Variants in SLC9A9 observed in about 807,000 individuals in gnomAD.
The protein encoded by SLC9A9 is sodium/hydrogen exchanger 9.
Under a neutral mutation model 77.8 loss-of-function variants are expected in SLC9A9, and 62 were observed. The ratio of observed to expected loss-of-function variants is 0.80; its 90% confidence interval spans 0.65 to 0.98. The LOEUF is 0.98. Ranked by LOEUF, SLC9A9 falls within the 50% of genes least tolerant of loss-of-function variation. The pLI is 0.00. For missense variants in SLC9A9, 775 were observed against 774.9 expected (o/e 1.00, Z 0.00); for synonymous variants, 320 against 283.5 (o/e 1.13, Z -1.29).
intron 5 of SLC9A9, among the ~76,000 whole-genome samples, chr3:143,658,638 TA>T (rs148342691): frequency 0.1 from 15,491 of 152,218 alleles, 848 homozygotes; most frequent in African/African-American, 0.16. Context: ...GGGTGCATGA[TA>T]AAAACACTGA....
At chr3:143,270,550 G>A (rs1425177017) in intron 14 of SLC9A9, among the ~76,000 whole-genome samples, 1 of 152,028 alleles carries the variant, frequency 6.6e-6, no homozygotes, top group African/African-American at 2.4e-5. Context: ...ATGTCTTTAT[G>A]GAGGTGAGGT....
chr3:143,342,099 T>C (rs763368331), intron 14 of SLC9A9: 1 of 152,226 alleles, frequency 6.6e-6, no homozygotes, highest in Non-Finnish European at 1.5e-5. Flanking sequence ...GAAACTATGG[T>C]TATAAGGTTC....
At chr3:143,445,016 G>T (rs1419149250) in intron 12 of SLC9A9, among the ~76,000 whole-genome samples, 1 of 152,122 alleles carries the variant, frequency 6.6e-6, no homozygotes, top group African/African-American at 2.4e-5. Flanking sequence ...CATAGCCCCG[G>T]TTTTCCTCTG....
chr3:143,714,887 G>A (rs939238287), intron 4 of SLC9A9, among the ~76,000 whole-genome samples: 7 of 152,198 alleles, frequency 4.6e-5, no homozygotes, highest in South Asian at 2.1e-4. Context: ...CATGTGTTGT[G>A]GGAGGGACCC....
At chr3:143,569,214 G>A (rs1205634462) in intron 8 of SLC9A9, among the ~76,000 whole-genome samples, 5 of 151,660 alleles carry the variant, frequency 3.3e-5, no homozygotes, top group African/African-American at 1.2e-4. Flanking sequence ...CACAGGTATA[G>A]CAAAGGAACT....
At chr3:143,495,670 T>C (rs1359633618) in intron 9 of SLC9A9, among the ~76,000 whole-genome samples, 1 of 152,180 alleles carries the variant, frequency 6.6e-6, no homozygotes, top group African/African-American at 2.4e-5. Flanking sequence ...ACTGTAAGGC[T>C]GCCAGAGACA....
chr3:143,423,329 G>A (rs1346220442), intron 12 of SLC9A9, among the ~76,000 whole-genome samples: 2 of 149,874 alleles, frequency 1.3e-5, no homozygotes, highest in Non-Finnish European at 3.0e-5. Context: ...CATTCATGAA[G>A]CAGCAGTGAG....
chr3:143,467,300 A>G, intron 11 of SLC9A9, 110 bp from the exon 12 acceptor site: 1 of 1,219,670 alleles, frequency 8.2e-7, no homozygotes, highest in South Asian at 1.4e-5. Flanking sequence ...TAATCTTTTT[A>G]TTTTGAGATA....
chr3:143,394,608 C>T (rs558093105), intron 12 of SLC9A9, among the ~76,000 whole-genome samples: 2 of 152,108 alleles, frequency 1.3e-5, no homozygotes, highest in African/African-American at 2.4e-5. Flanking sequence ...CCAGGGCAAT[C>T]AGACAGGAGA....
At chr3:143,746,081 T>C (rs1324007468) in intron 4 of SLC9A9, among the ~76,000 whole-genome samples, 2 of 152,022 alleles carry the variant, frequency 1.3e-5, no homozygotes, top group African/African-American at 4.8e-5. Flanking sequence ...GTAGGCAGGG[T>C]GTAGGTCATG....
chr3:143,586,009 C>T (rs1319490519), intron 6 of SLC9A9, among the ~76,000 whole-genome samples: 1 of 152,240 alleles, frequency 6.6e-6, no homozygotes, highest in Admixed American at 6.5e-5. Context: ...GTAGACTCCC[C>T]TTCCCCTTGG....
At position 143,824,416 on chromosome 3, in the gene SLC9A9, C is replaced by T. The variant is rs76571012; in HGVS notation, c.378+7603G>A. ...TTCCAGATTTCTGCATGGCATAGTC[C>T]CCACTTCATTAGGACTCAGCTCCGA... On this transcript the variant is annotated intron_variant, in intron 2 of 15. Coordinates refer to ENST00000316549, the MANE Select transcript of SLC9A9 (RefSeq NM_173653.4). Among the ~76,000 whole-genome samples the T allele has an allele frequency of 1.5e-3, 229 of 152,286 alleles. 1 individual carries two copies. The highest frequency in any genetic ancestry group is 5.4e-3 in the African/African-American group (224 of 41,562).
At chr3:143,703,020 T>A (rs945250621) in intron 4 of SLC9A9, among the ~76,000 whole-genome samples, 3 of 152,026 alleles carry the variant, frequency 2.0e-5, no homozygotes, top group African/African-American at 7.2e-5. Context: ...CAAGAGAATA[T>A]AATGATTGTA....
chr3:143,383,914 G>C (rs543807660), intron 12 of SLC9A9, among the ~76,000 whole-genome samples: 1 of 152,308 alleles, frequency 6.6e-6, no homozygotes, highest in East Asian at 1.9e-4. Flanking sequence ...TAACGGTAAA[G>C]TCCCGCCTGT....
At chr3:143,391,995 G>A (rs1262016305) in intron 12 of SLC9A9, among the ~76,000 whole-genome samples, 1 of 151,682 alleles carries the variant, frequency 6.6e-6, no homozygotes, top group Non-Finnish European at 1.5e-5. Context: ...TGAAAGTGAT[G>A]GGGAGAATGG....
At chr3:143,306,008 T>A (rs1182745676) in intron 14 of SLC9A9, among the ~76,000 whole-genome samples, 1 of 152,208 alleles carries the variant, frequency 6.6e-6, no homozygotes, top group African/African-American at 2.4e-5. Context: ...TTATGAACAT[T>A]TGATTTTTTC....
intron 14 of SLC9A9, among the ~76,000 whole-genome samples, chr3:143,359,442 A>T (rs1157624195): frequency 6.6e-6 from 1 of 152,180 alleles, no homozygotes; most frequent in Admixed American, 6.5e-5. Flanking sequence ...AGACATTTAG[A>T]TATAGCGCCA....
intron 1 of SLC9A9, among the ~76,000 whole-genome samples, chr3:143,836,619 C>T (rs2009575767): frequency 6.6e-6 from 1 of 152,074 alleles, no homozygotes; most frequent in South Asian, 2.1e-4. Flanking sequence ...AGAGAGGGGA[C>T]AGAAGGAAGG....
At chr3:143,713,713 A>G (rs1267803420) in intron 4 of SLC9A9, among the ~76,000 whole-genome samples, 1 of 152,200 alleles carries the variant, frequency 6.6e-6, no homozygotes, top group African/African-American at 2.4e-5. Context: ...AGGGGGAAGT[A>G]GGACAAAATA....
Sources: allele counts gnomAD v4.1 joint callset (sites outside exome capture counted in the v4.1 genomes callset), GRCh38; gene constraint gnomAD v4.1.1; transcripts MANE v1.5; gene names NCBI Gene and HGNC (gene_info 2026-07-23, HGNC 2026-07-21).